The following MOCOS variants were observed in gnomAD, a reference collection of about 807,000 sequenced individuals.
MOCOS encodes the protein human molybdenum cofactor sulfurase.
MOCOS carries 86 observed loss-of-function variants against 83.6 expected under a neutral mutation model. That is an observed-to-expected ratio of 1.03 (90% CI 0.86 to 1.23). The LOEUF (loss-of-function observed/expected upper bound fraction) is 1.23, where lower values mean the gene tolerates loss of function less well. Ranked by LOEUF, MOCOS falls within the 50% of genes most tolerant of loss-of-function variation. MOCOS has a pLI of 0.00. For missense variants in MOCOS, 1,120 were observed against 1,126.9 expected, an observed-to-expected ratio of 0.99 and a Z score of 0.09; for synonymous variants, 445 against 434.7, an observed-to-expected ratio of 1.02 and a Z score of -0.29.
At chr18:36,263,370 C>T (rs1175834527) in intron 13 of MOCOS, among the ~76,000 whole-genome samples, 2 of 152,218 alleles carry the variant, frequency 1.3e-5, no homozygotes, top group East Asian at 3.8e-4. Context: ...AAACTATTCA[C>T]ATGGCTTCAA....
rs185405253 is a variant in MOCOS at position 36,209,205 on chromosome 18, G to A, written c.1218+3929G>A. Among the ~76,000 whole-genome samples, 402 of 151,332 alleles carry A rather than the reference G, an allele frequency of 2.7e-3. 3 individuals are homozygous for A. The highest frequency in any genetic ancestry group is 4.5e-3 in the Non-Finnish European group (304 of 67,862). On this transcript the variant is annotated intron_variant, in intron 6 of 14. Transcript: ENST00000261326. ...TTTTTTTTTCTTTCTTGGAGACAAGGTTTCACTCTGTTGCCCAGACTGGAG... is the reference window on the plus strand; with the variant it reads ...TTTTTTTTTCTTTCTTGGAGACAAGATTTCACTCTGTTGCCCAGACTGGAG...
At chr18:36,233,904 G>A (rs2091548047) in intron 9 of MOCOS, among the ~76,000 whole-genome samples, 1 of 37,408 alleles carries the variant, frequency 2.7e-5, no homozygotes, top group Non-Finnish European at 4.9e-5. Context: ...TTGCTGATTT[G>A]TTTGAGTTCC....
Position 36,268,734 on chromosome 18 carries a change from G to C in MOCOS, c.*49G>C. 6.8e-7 allele frequency: 1 copy of C among 1,472,348 alleles called. No homozygotes were observed. The highest frequency in any genetic ancestry group is 9.5e-7 in the Non-Finnish European group (1 of 1,053,702). The allele number at this position is 1,472,348 out of a possible 1,614,324, so 91.2% of individuals were successfully genotyped here. On this transcript the variant is annotated 3_prime_UTR_variant, in exon 15 of 15. Transcript: ENST00000261326. The stretch of plus-strand genomic sequence containing the variant: ...CTCTTTTACAGTGATCTCTATTATT[G>C]TTAAGATCTGCAACTTGGTTCAGTA...
chr18:36,219,920 T>G, intron 8 of MOCOS, 135 bp from the exon 9 acceptor site: 1 of 1,151,106 alleles, frequency 8.7e-7, no homozygotes, highest in Non-Finnish European at 1.3e-6. Flanking sequence ...TAGTTTCTTC[T>G]CTTCCTCCCT....
intron 9 of MOCOS, among the ~76,000 whole-genome samples, chr18:36,239,928 A>G (rs146572039): frequency 0.58 from 86,804 of 149,788 alleles, 26,075 homozygotes; most frequent in African/African-American, 0.71. Context: ...TGATCACATC[A>G]GCTCCTGAGG....
intron 8 of MOCOS, among the ~76,000 whole-genome samples, chr18:36,218,216 A>G (rs2091482102): frequency 6.6e-6 from 1 of 152,202 alleles, no homozygotes; most frequent in South Asian, 2.1e-4. Flanking sequence ...GCAAAGTTAG[A>G]AATAATCAAT....
At chr18:36,253,946 T>C (rs1380852620) in intron 11 of MOCOS, among the ~76,000 whole-genome samples, 1 of 151,954 alleles carries the variant, frequency 6.6e-6, no homozygotes, top group East Asian at 1.9e-4. Flanking sequence ...CTTGGCGAGG[T>C]GGCTGCATCG....
Position 36,270,791 on chromosome 18 carries a change from A to T in MOCOS, c.*2106A>T, listed in dbSNP as rs1264180296. ...TATCCACGTCTATGTCACCTTTTGCAGTAGATACTTTCATGACTGATTTCA... is the reference window on the plus strand; with the variant it reads ...TATCCACGTCTATGTCACCTTTTGCTGTAGATACTTTCATGACTGATTTCA... On this transcript the variant is annotated 3_prime_UTR_variant, in exon 15 of 15. Transcript: ENST00000261326. 1 of 151,204 alleles carries T rather than the reference A, an allele frequency of 6.6e-6. No homozygotes were observed. The highest frequency in any genetic ancestry group is 1.5e-5 in the Non-Finnish European group (1 of 67,964). The allele number at this position is 151,204 out of a possible 1,614,324, so 9.4% of individuals were successfully genotyped here. A position where few individuals can be genotyped will look rare whatever the true frequency, so the allele number is the denominator to read the frequency against.
chr18:36,217,618 A>G (rs1318163659), intron 8 of MOCOS, among the ~76,000 whole-genome samples: 1 of 152,102 alleles, frequency 6.6e-6, no homozygotes, highest in African/African-American at 2.4e-5. Context: ...GTTAAAACCT[A>G]ACCTGTGGAC....
intron 9 of MOCOS, among the ~76,000 whole-genome samples, chr18:36,240,439 G>T (rs1240034951): frequency 4.0e-5 from 6 of 150,652 alleles, no homozygotes; most frequent in African/African-American, 1.5e-4. Context: ...CTCCCAGTTA[G>T]GCTGCTCGGG....
At chr18:36,209,878 A>AT (rs2091447923) in intron 6 of MOCOS, among the ~76,000 whole-genome samples, 1 of 151,970 alleles carries the variant, frequency 6.6e-6, no homozygotes, top group Non-Finnish European at 1.5e-5. Context: ...ATTTTTTGGC[A>AT]TTTTTTGTAG....
At chr18:36,218,637 C>G (rs2091483599) in intron 8 of MOCOS, among the ~76,000 whole-genome samples, 1 of 152,056 alleles carries the variant, frequency 6.6e-6, no homozygotes, top group African/African-American at 2.4e-5. Context: ...GCCTCTGCCT[C>G]TTGAGTAGCT....
At chr18:36,265,031 T>G (rs879868706) in intron 13 of MOCOS, among the ~76,000 whole-genome samples, 1 of 152,202 alleles carries the variant, frequency 6.6e-6, no homozygotes, top group Non-Finnish European at 1.5e-5. Flanking sequence ...AAAGCTTTTA[T>G]TGGCAAAAAT....
At chr18:36,217,648 A>G (rs2091480373) in intron 8 of MOCOS, among the ~76,000 whole-genome samples, 1 of 152,194 alleles carries the variant, frequency 6.6e-6, no homozygotes, top group Non-Finnish European at 1.5e-5. Flanking sequence ...TGCAAAGGGC[A>G]GGAGCAGGAA....
intron 11 of MOCOS, among the ~76,000 whole-genome samples, chr18:36,252,657 G>A (rs559708689): frequency 6.6e-6 from 1 of 152,272 alleles, no homozygotes; most frequent in African/African-American, 2.4e-5. Flanking sequence ...CCAGGAGTTC[G>A]AGGCTGCAGT....
At chr18:36,251,397 G>A (rs974017730) in intron 11 of MOCOS, 114 bp downstream of exon 11, 8 of 1,400,310 alleles carry the variant, frequency 5.7e-6, no homozygotes, top group Middle Eastern at 3.6e-4. Context: ...TGGAAAGCAG[G>A]GGTCATCAGC....
At chr18:36,215,025 T>C (rs879610950) in intron 7 of MOCOS, among the ~76,000 whole-genome samples, 11 of 152,154 alleles carry the variant, frequency 7.2e-5, no homozygotes, top group Admixed American at 7.2e-4. Flanking sequence ...CCGGGGCTGG[T>C]CATTTGCAGG....
chr18:36,190,952 G>C (rs148827402), intron 1 of MOCOS, among the ~76,000 whole-genome samples: 242 of 143,146 alleles, frequency 1.7e-3, no homozygotes, highest in African/African-American at 5.9e-3. Flanking sequence ...CTGGGAGGTG[G>C]AGGTTGCAGT....
Position 36,251,153 on chromosome 18 carries a change from T to C in MOCOS, c.2040-6T>C. On this transcript the variant is annotated splice_polypyrimidine_tract_variant and splice_region_variant and intron_variant, in intron 10 of 14. Coordinates refer to ENST00000261326, the MANE Select transcript of MOCOS (RefSeq NM_017947.4). Reference sequence around the variant, plus strand: ...CAGTTCACTCTTTCTCTCTCTCTTTTGCCAGAGTAAGTACTTATGATTGTG... The same window carrying C: ...CAGTTCACTCTTTCTCTCTCTCTTTCGCCAGAGTAAGTACTTATGATTGTG... The C allele has an allele frequency of 6.2e-7, 1 of 1,611,796 alleles. No homozygotes were observed. Among genetic ancestry groups the C allele is most frequent in the Non-Finnish European group, 8.5e-7 (1 of 1,177,896 alleles).
Sources: gnomAD v4.1 joint callset for allele counts (sites outside exome capture counted in the v4.1 genomes callset) on GRCh38, gnomAD v4.1.1 for gene constraint, MANE v1.5 for transcripts, NCBI Gene and HGNC (gene_info 2026-07-23, HGNC 2026-07-21) for gene names.